Variants in CPA6 observed in about 807,000 individuals in gnomAD.
CPA6 encodes the protein carboxypeptidase B.
In CPA6, 58 loss-of-function variants were observed where a neutral mutation model predicts 63.3. The ratio of observed to expected loss-of-function variants is 0.92; its 90% confidence interval spans 0.74 to 1.14. CPA6 has a LOEUF of 1.14. Ranked by LOEUF, CPA6 falls within the 50% of genes most tolerant of loss-of-function variation. CPA6 has a pLI of 0.00. For missense variants in CPA6, 565 were observed against 526.6 expected (o/e 1.07, Z -0.71); for synonymous variants, 185 against 179.0 (o/e 1.03, Z -0.27).
intron 1 of CPA6, among the ~76,000 whole-genome samples, chr8:67,630,826 C>T (rs1050368505): frequency 2.0e-5 from 3 of 152,200 alleles, no homozygotes; most frequent in South Asian, 4.1e-4. Flanking sequence ...GATCAGCCAG[C>T]TGGCGCTGCC....
At chr8:67,595,328 G>C (rs1388747593) in intron 2 of CPA6, among the ~76,000 whole-genome samples, 4 of 152,234 alleles carry the variant, frequency 2.6e-5, no homozygotes, top group African/African-American at 9.6e-5. Context: ...TCGGGGGTCA[G>C]GGGTCAGGGA....
rs1274287369 is a variant in CPA6 at position 67,484,687 on chromosome 8, A to G, written c.739T>C (p.Trp247Arg). ...VFNVDGYHFS[W>R]TNDRFWRKTR... is the part of the protein sequence containing the mutation. ...TAGGCAAAGTGACTTACATTGGTCC[A>G]ACTAAAATGGTATCCATCGACGTTA... Residue 247 changes from tryptophan to arginine, a missense_variant, in exon 7 of 11, where the codon TGG becomes CGG. Transcript: ENST00000297770. 2 of 1,563,382 alleles carry G rather than the reference A, an allele frequency of 1.3e-6. No homozygotes were observed. Among genetic ancestry groups the G allele is most frequent in the East Asian group, 2.2e-5 (1 of 44,590 alleles).
intron 1 of CPA6, among the ~76,000 whole-genome samples, chr8:67,699,858 G>A (rs1816988229): frequency 6.6e-6 from 1 of 152,168 alleles, no homozygotes. Flanking sequence ...CAGAGCGTTA[G>A]GATTACAGGC....
At chr8:67,729,521 C>A (rs1384820109) in intron 1 of CPA6, among the ~76,000 whole-genome samples, 1 of 152,142 alleles carries the variant, frequency 6.6e-6, no homozygotes, top group Non-Finnish European at 1.5e-5. Flanking sequence ...GATGAAGTTC[C>A]TTCCCCCAAA....
intron 1 of CPA6, among the ~76,000 whole-genome samples, chr8:67,684,553 A>C (rs899084484): frequency 2.5e-4 from 38 of 152,132 alleles, no homozygotes; most frequent in Admixed American, 1.9e-3. Context: ...AATGACAATG[A>C]AACAGAGCAT....
At chr8:67,717,674 A>G (rs1817407919) in intron 1 of CPA6, among the ~76,000 whole-genome samples, 1 of 152,228 alleles carries the variant, frequency 6.6e-6, no homozygotes, top group African/African-American at 2.4e-5. Flanking sequence ...GGACCTGTGA[A>G]TATTACCTTA....
intron 2 of CPA6, among the ~76,000 whole-genome samples, chr8:67,539,188 G>C (rs1283940716): frequency 6.6e-6 from 1 of 152,154 alleles, no homozygotes; most frequent in African/African-American, 2.4e-5. Flanking sequence ...TGTAAGGTAG[G>C]CCTGGTGGTG....
intron 2 of CPA6, among the ~76,000 whole-genome samples, chr8:67,608,279 T>A (rs1814718059): frequency 6.6e-6 from 1 of 151,892 alleles, no homozygotes; most frequent in African/African-American, 2.4e-5. Flanking sequence ...GCCCACCATG[T>A]CCCCCTATCC....
At chr8:67,686,148 T>C (rs149218566) in intron 1 of CPA6, among the ~76,000 whole-genome samples, 122 of 152,354 alleles carry the variant, frequency 8.0e-4, no homozygotes, top group Admixed American at 1.3e-3. Flanking sequence ...TGGTCATTTA[T>C]GTTTAGGCAA....
intron 8 of CPA6, among the ~76,000 whole-genome samples, chr8:67,445,462 T>C (rs556277295): frequency 7.5e-6 from 1 of 133,458 alleles, no homozygotes; most frequent in South Asian, 2.3e-4. Context: ...ATCCCTGATA[T>C]ATATTTTTAG....
At chr8:67,489,647 A>C (rs879560857) in intron 6 of CPA6, among the ~76,000 whole-genome samples, 4 of 152,140 alleles carry the variant, frequency 2.6e-5, no homozygotes, top group Non-Finnish European at 4.4e-5. Flanking sequence ...AATTGTGCTT[A>C]AAAAATATAC....
chr8:67,629,180 A>G (rs1360816252), intron 1 of CPA6, among the ~76,000 whole-genome samples: 1 of 152,010 alleles, frequency 6.6e-6, no homozygotes, highest in African/African-American at 2.4e-5. Flanking sequence ...CTAAATAAAG[A>G]CCCATAGCTG....
intron 1 of CPA6, among the ~76,000 whole-genome samples, chr8:67,672,453 C>G (rs1410512905): frequency 6.6e-6 from 1 of 152,174 alleles, no homozygotes; most frequent in Non-Finnish European, 1.5e-5. Context: ...ATCTATCCCA[C>G]TCCTCAAGCC....
intron 1 of CPA6, among the ~76,000 whole-genome samples, chr8:67,715,505 A>T (rs1371073339): frequency 6.6e-6 from 1 of 152,198 alleles, no homozygotes; most frequent in Non-Finnish European, 1.5e-5. Context: ...TGCCCACACC[A>T]GCTGTGTTTA....
intron 1 of CPA6, 128 bp downstream of exon 1, chr8:67,745,886 G>A (rs1291574416): frequency 1.8e-6 from 1 of 571,292 alleles, no homozygotes; most frequent in African/African-American, 1.9e-5. Flanking sequence ...ATTTTATATA[G>A]AGGACCGTGA....
intron 1 of CPA6, among the ~76,000 whole-genome samples, chr8:67,716,973 T>C (rs910062315): frequency 6.6e-6 from 1 of 151,924 alleles, no homozygotes; most frequent in African/African-American, 2.4e-5. Context: ...GAGGGAGGAG[T>C]ATGTTTGTTT....
chr8:67,586,486 G>A (rs1276754582), intron 2 of CPA6, among the ~76,000 whole-genome samples: 1 of 152,146 alleles, frequency 6.6e-6, no homozygotes, highest in African/African-American at 2.4e-5. Flanking sequence ...CAAGAGCTAC[G>A]AGTAGAGGTA....
intron 5 of CPA6, among the ~76,000 whole-genome samples, chr8:67,509,059 T>C (rs1267460181): frequency 6.6e-6 from 1 of 152,036 alleles, no homozygotes; most frequent in Non-Finnish European, 1.5e-5. Flanking sequence ...GGGGAAGTGC[T>C]ACACACTTTT....
At chr8:67,574,863 G>A (rs2128977135) in intron 2 of CPA6, among the ~76,000 whole-genome samples, 1 of 151,712 alleles carries the variant, frequency 6.6e-6, no homozygotes, top group South Asian at 2.1e-4. Flanking sequence ...AAAGGCATGG[G>A]CAATGAAAGC....
Sources: gnomAD v4.1 joint callset for allele counts (sites outside exome capture counted in the v4.1 genomes callset) on GRCh38, gnomAD v4.1.1 for gene constraint, MANE v1.5 for transcripts, NCBI Gene and HGNC (gene_info 2026-07-23, HGNC 2026-07-21) for gene names.